GSK3B: variants seen among roughly 807,000 people sequenced by gnomAD.
GSK3B encodes the protein glycogen synthase kinase 3 beta.
GSK3B carries 15 observed loss-of-function variants against 56.4 expected under a neutral mutation model. The observed-to-expected ratio is 0.27, with a 90% CI of 0.18 to 0.41. GSK3B has a LOEUF of 0.41. Among genes scored for constraint, GSK3B ranks in the 10% least tolerant of loss-of-function variants. GSK3B has a pLI of 1.00. For synonymous variants in GSK3B, 181 were observed against 188.9 expected, an observed-to-expected ratio of 0.96 and a Z score of 0.34; for missense variants, 300 against 513.4, an observed-to-expected ratio of 0.58 and a Z score of 4.02.
At chr3:120,070,235 A>G (rs1043184202) in intron 1 of GSK3B, among the ~76,000 whole-genome samples, 5 of 103,178 alleles carry the variant, frequency 4.8e-5, no homozygotes, top group Non-Finnish European at 8.6e-5. Context: ...AAACAAAACA[A>G]AAAACAAAAA....
At chr3:119,995,204 C>T (rs942825375) in intron 2 of GSK3B, among the ~76,000 whole-genome samples, 13 of 151,024 alleles carry the variant, frequency 8.6e-5, no homozygotes, top group East Asian at 3.9e-4. Context: ...GGTGTGGTGG[C>T]GCACACCTAT....
At chr3:119,904,632 T>C (rs2056663951) in intron 7 of GSK3B, among the ~76,000 whole-genome samples, 1 of 152,176 alleles carries the variant, frequency 6.6e-6, no homozygotes, top group South Asian at 2.1e-4. Context: ...TATGTTCAAC[T>C]GGTAGAAGCT....
chr3:119,878,297 T>C (rs1204493215), intron 7 of GSK3B, among the ~76,000 whole-genome samples: 4 of 151,934 alleles, frequency 2.6e-5, no homozygotes, highest in Non-Finnish European at 5.9e-5. Context: ...CCAATACAAA[T>C]CAGTAAAAGA....
At chr3:119,874,908 C>T (rs963756371) in intron 8 of GSK3B, among the ~76,000 whole-genome samples, 5 of 152,006 alleles carry the variant, frequency 3.3e-5, no homozygotes, top group African/African-American at 1.2e-4. Flanking sequence ...CTTGCAATAA[C>T]TATAATGGAC....
chr3:119,954,305 AAAAGAAACAG>A (rs768836119), intron 2 of GSK3B, among the ~76,000 whole-genome samples: 1 of 122,054 alleles, frequency 8.2e-6, no homozygotes, highest in Non-Finnish European at 1.8e-5. Context: ...AATAGAATAG[AAAAGAAACAG>A]AACAGAACAG....
rs146584293 is a variant in GSK3B at position 119,864,832 on chromosome 3, T to A, written c.910-1227A>T. Among the ~76,000 whole-genome samples the A allele has an allele frequency of 3.2e-4, 49 of 152,356 alleles. 1 individual carries two copies. In the East Asian group the frequency reaches 9.2e-3, roughly 29 times the overall value. On this transcript the variant is annotated intron_variant, in intron 8 of 10. Transcript: ENST00000264235. ...GATTGTATTTGTTTTTAATTTATTA[T>A]TGAAAAAGACATTTTCCATGAAAAT...
rs1431972142 is a variant in GSK3B at position 119,925,101 on chromosome 3, G to C, written c.367-1618C>G. ...CCCAGCATTTTGGGAGGCTGAGGCA[G>C]GCAGATCGCTTGAGTTCATGAGTTT... On this transcript the variant is annotated intron_variant, in intron 3 of 10. Coordinates refer to ENST00000264235, the MANE Select transcript of GSK3B (RefSeq NM_001146156.2). Among the ~76,000 whole-genome samples, 3 of 152,150 alleles carry C rather than the reference G, an allele frequency of 2.0e-5. No individual in the cohort carries two copies. The East Asian group carries it at 5.8e-4, about 29-fold the overall frequency.
chr3:119,833,687 G>GTTTTTTTTT (rs1162358136), intron 10 of GSK3B, among the ~76,000 whole-genome samples: 43 of 133,444 alleles, frequency 3.2e-4, no homozygotes, highest in Admixed American at 1.0e-3. Flanking sequence ...GAAACATTAG[G>GTTTTTTTTT]TTGTTTTTTT....
intron 8 of GSK3B, among the ~76,000 whole-genome samples, chr3:119,864,365 T>TCTA (rs2056148274): frequency 6.6e-6 from 1 of 152,212 alleles, no homozygotes; most frequent in Non-Finnish European, 1.5e-5. Context: ...TAGATAGCTT[T>TCTA]CTACTAATTT....
chr3:119,912,872 T>TA (rs2056749175), intron 5 of GSK3B, 62 bp from the exon 6 acceptor site: 2 of 717,184 alleles, frequency 2.8e-6, no homozygotes, highest in Non-Finnish European at 2.4e-6. Flanking sequence ...TTAAAGAACT[T>TA]AGACTGCTAT....
intron 10 of GSK3B, among the ~76,000 whole-genome samples, chr3:119,838,022 T>A (rs1457229472): frequency 1.3e-5 from 2 of 150,558 alleles, no homozygotes; most frequent in Non-Finnish European, 3.0e-5. Context: ...CCACAGTGGC[T>A]CACACCTGTA....
chr3:119,883,433 C>CA (rs1201399655), intron 7 of GSK3B, among the ~76,000 whole-genome samples: 8 of 149,982 alleles, frequency 5.3e-5, no homozygotes, highest in Non-Finnish European at 1.0e-4. Context: ...GAATGGTCCC[C>CA]AAAAAAATTA....
At chr3:119,904,779 T>TAAA (rs1449465275) in intron 7 of GSK3B, among the ~76,000 whole-genome samples, 1 of 152,122 alleles carries the variant, frequency 6.6e-6, no homozygotes, top group Non-Finnish European at 1.5e-5. Context: ...GGAATGTAAC[T>TAAA]AAAAGGTTAT....
intron 3 of GSK3B, among the ~76,000 whole-genome samples, chr3:119,928,507 A>C (rs1299044762): frequency 4.0e-5 from 6 of 149,562 alleles, no homozygotes; most frequent in Non-Finnish European, 8.9e-5. Flanking sequence ...TGGGAGGCTG[A>C]GGCAGAAGAA....
intron 1 of GSK3B, among the ~76,000 whole-genome samples, chr3:120,078,127 T>C (rs964446240): frequency 1.4e-4 from 21 of 152,238 alleles, no homozygotes; most frequent in African/African-American, 4.8e-4. Flanking sequence ...CCACAAACTT[T>C]TTTCTAATTA....
At position 119,825,352 on chromosome 3, in the gene GSK3B, A is replaced by G. The variant is rs1483402786; in HGVS notation, c.*1436T>C. 1 of 230,722 alleles carries G rather than the reference A, an allele frequency of 4.3e-6. No individual in the cohort carries two copies. The highest frequency in any genetic ancestry group is 6.2e-5 in the East Asian group (1 of 16,180). 14.3% of individuals were successfully genotyped at this position (230,722 alleles called of 1,614,324 possible). A position where few individuals can be genotyped will look rare whatever the true frequency, so the allele number is the denominator to read the frequency against. On this transcript the variant is annotated 3_prime_UTR_variant, in exon 11 of 11. Transcript: ENST00000264235. The stretch of plus-strand genomic sequence containing the variant: ...TCCAAGGAATATTGCTTTTTCTTCA[A>G]AAAGAGAGACTGATTCTTAACATCG...
At chr3:119,940,379 T>C (rs531119224) in intron 3 of GSK3B, among the ~76,000 whole-genome samples, 2 of 152,120 alleles carry the variant, frequency 1.3e-5, no homozygotes, top group African/African-American at 4.8e-5. Context: ...TGGCCTTTTC[T>C]TTCTTTCTTT....
intron 2 of GSK3B, among the ~76,000 whole-genome samples, chr3:119,950,888 A>G (rs1361441282): frequency 6.6e-6 from 1 of 152,228 alleles, no homozygotes; most frequent in Non-Finnish European, 1.5e-5. Context: ...CAGTTTTCCC[A>G]GGGCAGTGTT....
chr3:119,847,135 T>G (rs922931910), intron 9 of GSK3B, among the ~76,000 whole-genome samples: 7 of 151,386 alleles, frequency 4.6e-5, no homozygotes, highest in Admixed American at 6.6e-5. Flanking sequence ...CAGGGCCTGT[T>G]GCGGGGTAGG....
Sources: allele counts gnomAD v4.1 joint callset (sites outside exome capture counted in the v4.1 genomes callset), GRCh38; gene constraint gnomAD v4.1.1; transcripts MANE v1.5; gene names NCBI Gene and HGNC (gene_info 2026-07-23, HGNC 2026-07-21).